Variants in TEAD2 observed in about 807,000 individuals in gnomAD.
TEAD2 encodes TEA domain transcription factor 2.
Under a neutral mutation model 61.4 loss-of-function variants are expected in TEAD2, and 51 were observed. That is an observed-to-expected ratio of 0.83 (90% CI 0.66 to 1.05). TEAD2 has a LOEUF of 1.05. TEAD2 is among the 50% of genes least tolerant of loss of function. TEAD2 has a pLI of 0.00. For missense variants in TEAD2, 509 were observed against 600.0 expected (o/e 0.85, Z 1.58); for synonymous variants, 244 against 243.2 (o/e 1.00, Z -0.03).
intron 7 of TEAD2, among the ~76,000 whole-genome samples, chr19:49,352,747 T>G (rs373300669): frequency 6.6e-6 from 1 of 151,994 alleles, no homozygotes; most frequent in African/African-American, 2.4e-5. Context: ...ACTGTGTTGG[T>G]CAGGCTGGTC....
At chr19:49,355,996 C>A (rs1307333659) in intron 4 of TEAD2, 26 bp from the exon 5 acceptor site, 2 of 1,253,722 alleles carry the variant, frequency 1.6e-6, no homozygotes, top group Admixed American at 7.7e-5. Flanking sequence ...GGGGAGGGTG[C>A]CAAAGGAGGA....
At chr19:49,348,502 C>T (rs537505841) in intron 9 of TEAD2, among the ~76,000 whole-genome samples, 2 of 150,768 alleles carry the variant, frequency 1.3e-5, no homozygotes, top group East Asian at 2.0e-4. Context: ...GCTGCATCAA[C>T]GCACCTGGTA....
chr19:49,346,273 G>A (rs762616846), intron 10 of TEAD2, among the ~76,000 whole-genome samples: 16 of 151,548 alleles, frequency 1.1e-4, no homozygotes, highest in South Asian at 1.0e-3. Context: ...TAAGAAACAC[G>A]CAAGATGGGC....
chr19:49,355,021 G>GCATACATACATGCATACATACATA, intron 7 of TEAD2, 127 bp downstream of exon 7: 1 of 630,400 alleles, frequency 1.6e-6, no homozygotes, highest in Non-Finnish European at 2.9e-6. Context: ...ATACATACAT[G>GCATACATACATGCATACATACATA]CATACATACA....
chr19:49,361,676 C>T (rs972882790), intron 1 of TEAD2: 3 of 152,408 alleles, frequency 2.0e-5, no homozygotes, highest in African/African-American at 7.3e-5. Context: ...AGGCCGGGAA[C>T]AGGGAAAACT....
chr19:49,343,185 C>A, intron 11 of TEAD2, 46 bp downstream of exon 11: 1 of 1,565,962 alleles, frequency 6.4e-7, no homozygotes, highest in Non-Finnish European at 8.6e-7. Context: ...CTGGTCCATT[C>A]TGCACCCCCA....
At position 49,361,308 on chromosome 19, in the gene TEAD2, CCAGAGAGAGGGGGACACAGACT is replaced by C. The variant is rs1189581978; in HGVS notation, c.-7+1003_-7+1024del. On this transcript the variant is annotated intron_variant, in intron 1 of 12. Coordinates refer to ENST00000593945, the MANE Select transcript of TEAD2 (RefSeq NM_001256660.2). Reference sequence around the variant, plus strand: ...CCCAGAGAGAGAGGGGACCAGAGACCCAGAGAGAGGGGGACACAGACTCAGAGAGAGGGGGACAGAGGCTCAG... The same window carrying C: ...CCCAGAGAGAGAGGGGACCAGAGACCCAGAGAGAGGGGGACAGAGGCTCAG... 475 of 144,122 alleles carry C rather than the reference CCAGAGAGAGGGGGACACAGACT, an allele frequency of 3.3e-3. 19 individuals carry two copies. The highest frequency in any genetic ancestry group is 0.012 in the African/African-American group (447 of 37,376). The allele number at this position is 144,122 out of a possible 1,614,324, so 8.9% of individuals were successfully genotyped here. A position where few individuals can be genotyped will look rare whatever the true frequency, so the allele number is the denominator to read the frequency against.
intron 10 of TEAD2, among the ~76,000 whole-genome samples, chr19:49,345,317 TC>T (rs1971561827): frequency 6.6e-6 from 1 of 151,652 alleles, no homozygotes; most frequent in African/African-American, 2.4e-5. Flanking sequence ...CTTCTTTCTT[TC>T]CTTCTTTCTT....
intron 7 of TEAD2, among the ~76,000 whole-genome samples, chr19:49,351,992 TAAAA>T (rs1047803249): frequency 7.3e-4 from 91 of 123,992 alleles, no homozygotes; most frequent in African/African-American, 2.7e-3. Flanking sequence ...AAAAAAAAAA[TAAAA>T]AGAAAGAGGA....
chr19:49,348,068 C>T (rs1568564979), intron 9 of TEAD2, among the ~76,000 whole-genome samples: 5 of 152,348 alleles, frequency 3.3e-5, no homozygotes, highest in Admixed American at 1.3e-4. Flanking sequence ...GACTCTCTCC[C>T]TTCCTCCATC....
At chr19:49,349,332 A>C (rs535189587) in intron 8 of TEAD2, among the ~76,000 whole-genome samples, 2 of 152,052 alleles carry the variant, frequency 1.3e-5, no homozygotes, top group African/African-American at 4.8e-5. Flanking sequence ...GCATGGTGGC[A>C]CGTGCCTGTA....
chr19:49,349,170 A>C, intron 8 of TEAD2: 1 of 203,552 alleles, frequency 4.9e-6, no homozygotes, highest in Admixed American at 5.3e-5. Context: ...CTCATGTTGA[A>C]ATGTGATCCC....
intron 10 of TEAD2, among the ~76,000 whole-genome samples, chr19:49,343,936 C>G (rs1275844883): frequency 6.6e-6 from 1 of 151,760 alleles, no homozygotes; most frequent in Non-Finnish European, 1.5e-5. Context: ...GCCTCGACCT[C>G]CTGAGCTCAA....
chr19:49,343,720 G>A (rs1366327577), intron 10 of TEAD2, among the ~76,000 whole-genome samples: 1 of 150,792 alleles, frequency 6.6e-6, no homozygotes, highest in Admixed American at 6.6e-5. Flanking sequence ...CCTGAGCAAC[G>A]AGAGCGAAAC....
At chr19:49,353,307 C>T (rs777050357) in intron 7 of TEAD2, among the ~76,000 whole-genome samples, 1 of 152,040 alleles carries the variant, frequency 6.6e-6, no homozygotes, top group Non-Finnish European at 1.5e-5. Context: ...CTATGCTGGA[C>T]AGGCTGGTCT....
intron 1 of TEAD2, chr19:49,361,483 C>T: frequency 6.5e-6 from 1 of 152,690 alleles, no homozygotes; most frequent in Non-Finnish European, 1.5e-5. Flanking sequence ...GGGACAGGGG[C>T]GCCCTGCCAT....
At chr19:49,356,893 G>A (rs896929029) in intron 4 of TEAD2, among the ~76,000 whole-genome samples, 4 of 149,050 alleles carry the variant, frequency 2.7e-5, no homozygotes, top group African/African-American at 7.5e-5. Context: ...TGCACCCCCC[G>A]CCCTGACCAC....
At chr19:49,360,313 G>A in intron 1 of TEAD2, 1 of 555,288 alleles carries the variant, frequency 1.8e-6, no homozygotes. Context: ...GGACTCCTAG[G>A]ACTGAGGGAG....
At chr19:49,357,453 G>T in intron 3 of TEAD2, 139 bp from the exon 4 acceptor site, 1 of 881,062 alleles carries the variant, frequency 1.1e-6, no homozygotes. Context: ...GAGCCATCTC[G>T]GGAGCACCCG....
Sources: allele counts gnomAD v4.1 joint callset (sites outside exome capture counted in the v4.1 genomes callset), GRCh38; gene constraint gnomAD v4.1.1; transcripts MANE v1.5; gene names NCBI Gene and HGNC (gene_info 2026-07-23, HGNC 2026-07-21).